Variants in APOBEC3D observed in about 807,000 individuals in gnomAD.
APOBEC3D encodes DNA dC->dU-editing enzyme APOBEC-3D.
APOBEC3D carries 37 observed loss-of-function variants against 45.6 expected under a neutral mutation model. The observed-to-expected ratio is 0.81, with a 90% confidence interval of 0.62 to 1.07. The LOEUF is 1.07. Among genes scored for constraint, APOBEC3D ranks in the 50% least tolerant of loss-of-function variants. The pLI, the probability that APOBEC3D is intolerant of heterozygous loss-of-function variation, is 0.00. For missense variants in APOBEC3D, 496 were observed against 495.3 expected (o/e 1.00, Z -0.01); for synonymous variants, 175 against 180.7 (o/e 0.97, Z 0.25).
In APOBEC3D at chr22:39,031,848, G is replaced by T; in HGVS notation, c.917G>T (p.Arg306Met). 1 of 1,614,190 alleles carries T rather than the reference G, an allele frequency of 6.2e-7. No homozygotes were observed. The highest frequency in any genetic ancestry group is 8.5e-7 in the Non-Finnish European group (1 of 1,180,028). Residue 306 changes from arginine to methionine, a missense_variant, in exon 6 of 7, where the codon AGG (arginine) becomes ATG (methionine). Arg to Met is a moderately conservative substitution (Grantham distance 91). Coordinates refer to ENST00000216099, the MANE Select transcript of APOBEC3D (RefSeq NM_152426.4). The part of the protein sequence containing the change: ...CAGEVAEFLA[R>M]HSNVNLTIFT... ...GGGGAGGTGGCCGAGTTCCTGGCCA[G>T]GCACAGCAACGTGAATCTCACCATC...
At chr22:39,026,267 C>A (rs4634033) in intron 4 of APOBEC3D, among the ~76,000 whole-genome samples, 74,407 of 151,920 alleles carry the variant, frequency 0.49, 18,930 homozygotes, top group East Asian at 0.74. Context: ...TCCCTTCCAG[C>A]CCTGTCCTCT....
At chr22:39,027,862 T>G (rs1601466951) in intron 4 of APOBEC3D, among the ~76,000 whole-genome samples, 1 of 152,154 alleles carries the variant, frequency 6.6e-6, no homozygotes, top group Non-Finnish European at 1.5e-5. Context: ...CCCCAGCCCA[T>G]GCCCCCTGCT....
intron 5 of APOBEC3D, among the ~76,000 whole-genome samples, chr22:39,031,080 C>A (rs145091621): frequency 0.015 from 2,312 of 152,070 alleles, 49 homozygotes; most frequent in African/African-American, 0.054. Flanking sequence ...GCAAGAGAAT[C>A]GCTTGAACCC....
chr22:39,021,533 T>A lies in APOBEC3D; in HGVS notation c.14T>A (p.Ile5Asn). 2 of 1,614,030 alleles carry A rather than the reference T, an allele frequency of 1.2e-6. No individual in the cohort carries two copies. Among genetic ancestry groups the A allele is most frequent in the Non-Finnish European group, 1.7e-6 (2 of 1,180,002 alleles). ...AAGAGGCTGAACATGAATCCACAGA[T>A]CAGGTACCGCTGCCCACTATGTCCG... The part of the protein sequence containing the change: MNPQ[I>N]RNPMERMYRD... Residue 5 changes from isoleucine to asparagine, a missense_variant, in exon 1 of 7, where the codon ATC becomes AAC. By Grantham distance (149) the Ile-to-Asn change is moderately radical. Coordinates refer to ENST00000216099, the MANE Select transcript of APOBEC3D (RefSeq NM_152426.4).
chr22:39,027,172 C>T (rs1925756049), intron 4 of APOBEC3D, among the ~76,000 whole-genome samples: 2 of 152,144 alleles, frequency 1.3e-5, no homozygotes, highest in South Asian at 4.1e-4. Context: ...GGACACCAGC[C>T]TCCGCCCTTC....
chr22:39,025,583 G>A lies in APOBEC3D; in HGVS notation c.517G>A (p.Val173Met). ...EDFAYCWENF[V>M]CNEGQPFMPW... ...CTTTGCATACTGCTGGGAAAACTTT[G>A]TGTGCAATGAAGGTCAGCCATTCAT... The change falls in exon 4 of 7, where the codon GTG (valine) becomes ATG (methionine). Residue 173 changes from valine (V) to methionine (M), a missense_variant. Physicochemically the swap from Val to Met is conservative, Grantham distance 21. Coordinates refer to ENST00000216099, the MANE Select transcript of APOBEC3D (RefSeq NM_152426.4). The A allele has an allele frequency of 1.2e-6, 2 of 1,614,124 alleles. No individual in the cohort carries two copies. Among genetic ancestry groups the A allele is most frequent in the Non-Finnish European group, 1.7e-6 (2 of 1,180,004 alleles).
At position 39,032,508 on chromosome 22, in the gene APOBEC3D, C is replaced by T; in HGVS notation, c.*192C>T. 2.2e-6 allele frequency: 3 copies of T among 1,381,700 alleles called. No individual in the cohort carries two copies. The highest frequency in any genetic ancestry group is 1.9e-6 in the Non-Finnish European group (2 of 1,069,636). 85.6% of individuals were successfully genotyped at this position (1,381,700 alleles called of 1,614,324 possible). Reference sequence around the variant, plus strand: ...CTCCCAGGCTCTTCTTGTAGAGGCTCTCCATCCACCTCCCCAGTCCTGTTC... The same window carrying T: ...CTCCCAGGCTCTTCTTGTAGAGGCTTTCCATCCACCTCCCCAGTCCTGTTC... On this transcript the variant is annotated 3_prime_UTR_variant, in exon 7 of 7. Coordinates refer to ENST00000216099, the MANE Select transcript of APOBEC3D (RefSeq NM_152426.4).
At chr22:39,030,373 G>A (rs1926094664) in intron 5 of APOBEC3D, among the ~76,000 whole-genome samples, 1 of 152,100 alleles carries the variant, frequency 6.6e-6, no homozygotes, top group African/African-American at 2.4e-5. Context: ...GGCAGGCCTG[G>A]CCTACAGCAG....
intron 4 of APOBEC3D, among the ~76,000 whole-genome samples, chr22:39,027,457 G>T (rs1313305895): frequency 1.3e-5 from 2 of 152,160 alleles, no homozygotes; most frequent in Non-Finnish European, 1.5e-5. Context: ...TCCCTCCGGA[G>T]GTCCTCCCAT....
chr22:39,029,358 C>T lies in APOBEC3D; in HGVS notation c.606-5C>T, dbSNP rs1402742399. 2 of 1,614,066 alleles carry T rather than the reference C, an allele frequency of 1.2e-6. No individual in the cohort carries two copies. The highest frequency in any genetic ancestry group is 1.7e-6 in the Non-Finnish European group (2 of 1,179,956). ...TGCACTGGGGTTTCTCTCTTGTGCC[C>T]TCAGAAACCCGATGGAGGCAATGTA... On this transcript the variant is annotated splice_region_variant and splice_polypyrimidine_tract_variant and intron_variant, in intron 4 of 6. Coordinates refer to ENST00000216099, the MANE Select transcript of APOBEC3D (RefSeq NM_152426.4).
At chr22:39,025,697 G>A (rs373246643) in intron 4 of APOBEC3D, 26 bp downstream of exon 4, 210 of 1,613,624 alleles carry the variant, frequency 1.3e-4, no homozygotes, top group Middle Eastern at 1.7e-4. Context: ...TGGCCTCATC[G>A]TCTCTCTCCT....
chr22:39,024,245 A>G (rs577678206), intron 2 of APOBEC3D, among the ~76,000 whole-genome samples: 185 of 152,316 alleles, frequency 1.2e-3, no homozygotes, highest in African/African-American at 4.3e-3. Context: ...GAGGTCTCTC[A>G]TCAGAGCCCT....
At position 39,025,180 on chromosome 22, in the gene APOBEC3D, C is replaced by G. The variant is rs1308974677; in HGVS notation, c.321C>G (p.Asn107Lys). ...AGATCACCTGGTTTGTATCATGGAACCCCTGCCTGCCCTGTGTGGTGAAGG... is the reference window on the plus strand; with the variant it reads ...AGATCACCTGGTTTGTATCATGGAAGCCCTGCCTGCCCTGTGTGGTGAAGG... ...RFQITWFVSW[N>K]PCLPCVVKVT... The change falls in exon 3 of 7, where the codon AAC becomes AAG. Residue 107 changes from asparagine (N) to lysine (K), a missense_variant. Coordinates refer to ENST00000216099, the MANE Select transcript of APOBEC3D (RefSeq NM_152426.4). 6.2e-7 allele frequency: 1 copy of G among 1,614,112 alleles called. No individual in the cohort carries two copies. The highest frequency in any genetic ancestry group is 1.3e-5 in the African/African-American group (1 of 75,016).
At chr22:39,025,462 G>C in intron 3 of APOBEC3D, 95 bp from the exon 4 acceptor site, 1 of 1,613,964 alleles carries the variant, frequency 6.2e-7, no homozygotes, top group Non-Finnish European at 8.5e-7. Flanking sequence ...GGGTGGGGCT[G>C]GCACTGATTG....
intron 4 of APOBEC3D, among the ~76,000 whole-genome samples, chr22:39,028,059 T>C (rs114498607): frequency 0.049 from 7,502 of 152,144 alleles, 578 homozygotes; most frequent in African/African-American, 0.16. Flanking sequence ...TTTGTTTCAA[T>C]ACAAAGTCTT....
chr22:39,028,030 G>C (rs1455968573), intron 4 of APOBEC3D, among the ~76,000 whole-genome samples: 3 of 152,192 alleles, frequency 2.0e-5, no homozygotes, highest in East Asian at 3.8e-4. Flanking sequence ...CACTTTGGTG[G>C]AATTTCTGTA....
chr22:39,027,372 C>T (rs559914613), intron 4 of APOBEC3D, among the ~76,000 whole-genome samples: 2 of 152,122 alleles, frequency 1.3e-5, no homozygotes, highest in Non-Finnish European at 2.9e-5. Context: ...ACCTGCCCCT[C>T]ACTCTCCCTC....
rs778933174 is a variant in APOBEC3D at position 39,029,458 on chromosome 22, C to T, written c.701C>T (p.Thr234Ile). The stretch of plus-strand genomic sequence containing the variant: ...CGGAACGAAAGCTGGCTGTGCTTCA[C>T]CATGGAAGTTACAAAGCACCACTCA... ...CGRNESWLCF[T>I]MEVTKHHSAV... The change falls in exon 5 of 7, where the codon ACC becomes ATC. Residue 234 changes from threonine to isoleucine, a missense_variant. Physicochemically the swap from Thr to Ile is moderately conservative, Grantham distance 89 (BLOSUM62 -1). Coordinates refer to ENST00000216099, the MANE Select transcript of APOBEC3D (RefSeq NM_152426.4). 2 of 1,614,176 alleles carry T rather than the reference C, an allele frequency of 1.2e-6. No individual in the cohort carries two copies. The highest frequency in any genetic ancestry group is 2.2e-5 in the South Asian group (2 of 91,084).
At chr22:39,022,546 G>C (rs1925222463) in intron 1 of APOBEC3D, among the ~76,000 whole-genome samples, 1 of 152,256 alleles carries the variant, frequency 6.6e-6, no homozygotes, top group Non-Finnish European at 1.5e-5. Context: ...GGGTTGGGGA[G>C]TGGGTGGGCA....
Sources: gnomAD v4.1 joint callset for allele counts (sites outside exome capture counted in the v4.1 genomes callset) on GRCh38, gnomAD v4.1.1 for gene constraint, MANE v1.5 for transcripts, NCBI Gene and HGNC (gene_info 2026-07-23, HGNC 2026-07-21) for gene names.